The following NOP14 variants were observed in gnomAD, a reference collection of about 807,000 sequenced individuals.
NOP14 encodes the protein nucleolar protein 14.
Under a neutral mutation model 101.6 loss-of-function variants are expected in NOP14, and 57 were observed. The observed-to-expected ratio is 0.56, with a 90% CI of 0.45 to 0.70. NOP14 has a LOEUF of 0.70. NOP14 is among the 30% of genes least tolerant of loss of function. The probability of loss-of-function intolerance (pLI) is 0.00; values close to 1 mark genes in which losing one functional copy is unlikely to be tolerated. For missense variants in NOP14, 1,134 were observed against 1,075.5 expected (o/e 1.05, Z -0.76); for synonymous variants, 428 against 424.0 (o/e 1.01, Z -0.12).
Position 2,941,741 on chromosome 4 carries a change from G to C in NOP14, c.2052-12C>G. On this transcript the variant is annotated splice_polypyrimidine_tract_variant and intron_variant, in intron 14 of 17. Coordinates refer to ENST00000416614, the MANE Select transcript of NOP14 (RefSeq NM_001291978.2). ...CCAGGCAGGACAGTCTGTGAGGGCA[G>C]GAGGCAAGAGGAGGTCCAACTTGTT... 1 of 1,608,994 alleles carries C rather than the reference G, an allele frequency of 6.2e-7. No individual in the cohort carries two copies. The highest frequency in any genetic ancestry group is 8.5e-7 in the Non-Finnish European group (1 of 1,178,376).
intron 1 of NOP14, among the ~76,000 whole-genome samples, chr4:2,959,416 C>A (rs1210790983): frequency 1.3e-5 from 2 of 152,070 alleles, no homozygotes; most frequent in African/African-American, 2.4e-5. Context: ...CATGGTGAAA[C>A]CCCGTCTCTA....
At chr4:2,953,428 G>A (rs763381085) in intron 5 of NOP14, 83 bp downstream of exon 5, 11 of 1,504,038 alleles carry the variant, frequency 7.3e-6, no homozygotes, top group East Asian at 2.3e-5. Flanking sequence ...TAGAAGAGCC[G>A]TCCAGCCCCA....
chr4:2,961,053 T>C (rs1198886398), intron 1 of NOP14, among the ~76,000 whole-genome samples: 32 of 113,546 alleles, frequency 2.8e-4, no homozygotes, highest in African/African-American at 3.7e-4. Flanking sequence ...ATATTAATAC[T>C]ACATCAATAT....
chr4:2,945,967 A>G (rs1422577737), intron 11 of NOP14, among the ~76,000 whole-genome samples: 146 of 99,644 alleles, frequency 1.5e-3, no homozygotes, highest in East Asian at 2.6e-3. Flanking sequence ...GATCACCCTC[A>G]CTGCCGTGCA....
intron 1 of NOP14, among the ~76,000 whole-genome samples, chr4:2,958,705 T>TGCGTGTGGCAGGAGGGA (rs1715509843): frequency 6.6e-6 from 1 of 152,190 alleles, no homozygotes; most frequent in Non-Finnish European, 1.5e-5. Flanking sequence ...AAAGAATGCG[T>TGCGTGTGGCAGGAGGGA]GCGTGTGGCA....
At position 2,939,162 on chromosome 4, in the gene NOP14, G is replaced by C. The variant is rs115982757; in HGVS notation, c.2474+26C>G. On this transcript the variant is annotated intron_variant, in intron 17 of 17. Coordinates refer to ENST00000416614, the MANE Select transcript of NOP14 (RefSeq NM_001291978.2). ...ACCAAAGCTGAGTGACACCACAATC[G>C]TGTCGCACACACACGTCCCCCTCAC... 31 of 1,613,238 alleles carry C rather than the reference G, an allele frequency of 1.9e-5. No individual in the cohort carries two copies. The Admixed American group carries it at 4.5e-4, about 23-fold the overall frequency.
chr4:2,956,890 AT>A (rs769634831), intron 2 of NOP14, 79 bp from the exon 3 acceptor site: 22 of 1,233,516 alleles, frequency 1.8e-5, no homozygotes, highest in Non-Finnish European at 2.3e-5. Context: ...GTAGATATAT[AT>A]ATTTCCATTA....
intron 9 of NOP14, among the ~76,000 whole-genome samples, chr4:2,947,865 T>G (rs1714759908): frequency 6.6e-6 from 1 of 152,148 alleles, no homozygotes. Context: ...AACACACCAC[T>G]AGGAAAGCAC....
rs766698228 is a variant in NOP14 at position 2,942,284 on chromosome 4, T to C, written c.1959A>G (p.Arg653=). 5 of 1,614,122 alleles carry C rather than the reference T, an allele frequency of 3.1e-6. No individual in the cohort carries two copies. The highest frequency in any genetic ancestry group is 4.2e-6 in the Non-Finnish European group (5 of 1,180,016). ...KNSELLVVSA[R]EDVATWQQSS... ...TCTGCTGCCACGTGGCCACATCCTCTCTAGCAGACACCACGAGCAGTTCCG... is the reference window on the plus strand; with the variant it reads ...TCTGCTGCCACGTGGCCACATCCTCCCTAGCAGACACCACGAGCAGTTCCG... The change falls in exon 14 of 18, where the codon AGA becomes AGG. Residue 653 remains arginine (R), a synonymous_variant. Transcript: ENST00000416614.
chr4:2,954,019 G>A (rs1187154424), intron 4 of NOP14, among the ~76,000 whole-genome samples: 1 of 152,118 alleles, frequency 6.6e-6, no homozygotes, highest in East Asian at 1.9e-4. Context: ...CTTGAGCCTG[G>A]TCGACACAGC....
At position 2,944,207 on chromosome 4, in the gene NOP14, T is replaced by C; in HGVS notation, c.1757A>G (p.Gln586Arg). 3 of 1,613,642 alleles carry C rather than the reference T, an allele frequency of 1.9e-6. No homozygotes were observed. In the South Asian group the frequency reaches 3.3e-5, roughly 18 times the overall value. The part of the protein sequence containing the change: ...LLTKCPILSL[Q>R]DVVKGLFVCC... ...CACGAACAGGCCCTTCACCACGTCC[T>C]GGAGGGACAGGATGGGGCACTGGAA... Residue 586 changes from glutamine to arginine, a missense_variant, in exon 13 of 18, where the codon CAG (glutamine) becomes CGG (arginine). Physicochemically the swap from Gln to Arg is conservative, Grantham distance 43. Transcript: ENST00000416614.
chr4:2,945,295 A>G (rs945163921), intron 11 of NOP14, 66 bp from the exon 12 acceptor site: 73 of 1,186,818 alleles, frequency 6.2e-5, no homozygotes, highest in Non-Finnish European at 8.5e-5. Flanking sequence ...CCCTCCCCGC[A>G]AACACTCCGG....
chr4:2,961,796 C>T (rs369603184), intron 1 of NOP14: 53 of 152,370 alleles, frequency 3.5e-4, no homozygotes, highest in African/African-American at 1.2e-3. Context: ...CAGGTTCCAT[C>T]TTTGATTTCT....
At chr4:2,944,656 C>T (rs1033545387) in intron 12 of NOP14, among the ~76,000 whole-genome samples, 4 of 152,242 alleles carry the variant, frequency 2.6e-5, no homozygotes, top group Non-Finnish European at 4.4e-5. Flanking sequence ...ATCCGCCCGC[C>T]TCAGCCTCCG....
rs774018700 is a variant in NOP14, at chr4:2,963,155, G to A, written c.165C>T (p.Pro55=). The A allele has an allele frequency of 1.3e-6, 2 of 1,573,502 alleles. No homozygotes were observed. The highest frequency in any genetic ancestry group is 2.3e-5 in the South Asian group (2 of 87,432). The change falls in exon 1 of 18, where the codon CCC becomes CCT. Residue 55 remains proline, a synonymous_variant. Transcript: ENST00000416614. The stretch of plus-strand genomic sequence containing the variant: ...TGAGGGCCCGTGCGCGAGACACCCC[G>A]GGCAGTCCCACGTCGTGGCGCGTCT... ...GRKTRHDVGL[P]GVSRARALRK...
In NOP14 at chr4:2,947,602, C is replaced by T; in HGVS notation, c.1423G>A (p.Gly475Ser). 1 of 1,613,640 alleles carries T rather than the reference C, an allele frequency of 6.2e-7. No individual in the cohort carries two copies. The highest frequency in any genetic ancestry group is 8.5e-7 in the Non-Finnish European group (1 of 1,179,600). Residue 475 changes from glycine to serine, a missense_variant, in exon 10 of 18, where the codon GGC (glycine) becomes AGC (serine). Coordinates refer to ENST00000416614, the MANE Select transcript of NOP14 (RefSeq NM_001291978.2). ...TCGCCAACGTATTCCAAAAGAAAGCCAAACAGTTTCTGCAGGAACATGAAT... is the reference window on the plus strand; with the variant it reads ...TCGCCAACGTATTCCAAAAGAAAGCTAAACAGTTTCTGCAGGAACATGAAT... The part of the protein sequence containing the change: ...GNKAKLEKLF[G>S]FLLEYVGDLA...
chr4:2,946,608 C>G, intron 10 of NOP14, 61 bp from the exon 11 acceptor site: 1 of 1,545,336 alleles, frequency 6.5e-7, no homozygotes, highest in East Asian at 2.3e-5. Context: ...ACAGAAAAGC[C>G]CTGCAAGCCA....
chr4:2,939,714 T>C, intron 15 of NOP14, 69 bp from the exon 16 acceptor site: 1 of 1,183,250 alleles, frequency 8.5e-7, no homozygotes, highest in East Asian at 2.3e-5. Context: ...CACGCACGGG[T>C]TCTGTGGTGT....
At chr4:2,942,114 T>C (rs1714246394) in intron 14 of NOP14, 78 bp downstream of exon 14, 2 of 1,459,670 alleles carry the variant, frequency 1.4e-6, no homozygotes, top group Admixed American at 1.9e-5. Flanking sequence ...GAACAGCACA[T>C]CAGAAAGCAC....
Sources: allele counts gnomAD v4.1 joint callset (sites outside exome capture counted in the v4.1 genomes callset), GRCh38; gene constraint gnomAD v4.1.1; transcripts MANE v1.5; gene names NCBI Gene and HGNC (gene_info 2026-07-23, HGNC 2026-07-21).